Variants in FAM53A observed in about 807,000 individuals in gnomAD.
FAM53A encodes protein FAM53A.
FAM53A carries 28 observed loss-of-function variants against 26.6 expected under a neutral mutation model. The observed-to-expected ratio is 1.05, with a 90% CI of 0.78 to 1.45. FAM53A has a LOEUF of 1.45. FAM53A is among the 40% of genes most tolerant of loss of function. The pLI is 0.00. For missense variants in FAM53A, 650 were observed against 575.8 expected (o/e 1.13, Z -1.32); for synonymous variants, 290 against 253.1 (o/e 1.15, Z -1.38).
intron 4 of FAM53A, chr4:1,645,046 C>G (rs960085234): frequency 6.6e-6 from 1 of 152,486 alleles, no homozygotes; most frequent in African/African-American, 2.4e-5. Flanking sequence ...ACAGCCAAGG[C>G]GGCCCTGGCC....
At chr4:1,577,717 T>A in the FAM53A span, among the ~76,000 whole-genome samples, 1 of 152,314 alleles carries the variant, frequency 6.6e-6, no homozygotes, top group South Asian at 2.1e-4. Flanking sequence ...GCGGCGCTCT[T>A]GTTAATTGGC....
chr4:1,600,073 G>A, the FAM53A span, among the ~76,000 whole-genome samples: 1 of 152,172 alleles, frequency 6.6e-6, no homozygotes, highest in Non-Finnish European at 1.5e-5. Context: ...CTTCCCTAAT[G>A]CAGGGACCAC....
At chr4:1,577,064 G>A in the FAM53A span, among the ~76,000 whole-genome samples, 1 of 148,808 alleles carries the variant, frequency 6.7e-6, no homozygotes, top group Non-Finnish European at 1.5e-5. Flanking sequence ...TGAGGCAACT[G>A]AGCGGGTACG....
chr4:1,637,030 C>T (rs1419623045), downstream of FAM53A, among the ~76,000 whole-genome samples: 1 of 152,226 alleles, frequency 6.6e-6, no homozygotes, highest in Non-Finnish European at 1.5e-5. Context: ...GCTCCCGCTG[C>T]ACCAGAGCAC....
intron 4 of FAM53A, among the ~76,000 whole-genome samples, chr4:1,647,511 G>A (rs1051461058): frequency 6.6e-6 from 1 of 152,148 alleles, no homozygotes; most frequent in Non-Finnish European, 1.5e-5. Flanking sequence ...GGGTGGCGGG[G>A]GGTTGAGGAT....
rs140192270 is a variant in FAM53A, at chr4:1,666,740, G to A, written c.75+1927C>T. ...AATGGGGCCAGGCGCAGTGGCTCACGCCTGTAATCCCAACACTCTGCAAGG... is the reference window on the plus strand; with the variant it reads ...AATGGGGCCAGGCGCAGTGGCTCACACCTGTAATCCCAACACTCTGCAAGG... On this transcript the variant is annotated intron_variant, in intron 2 of 4. Coordinates refer to ENST00000308132, the MANE Select transcript of FAM53A (RefSeq NM_001174070.3). 6.9e-3 allele frequency among the ~76,000 whole-genome samples: 1,058 copies of A among 152,370 alleles called. 12 individuals are homozygous for A. Among genetic ancestry groups the A allele is most frequent in the African/African-American group, 0.023 (969 of 41,578 alleles).
chr4:1,644,224 G>T, intron 4 of FAM53A: 3 of 1,536,012 alleles, frequency 2.0e-6, no homozygotes, highest in Non-Finnish European at 2.6e-6. Flanking sequence ...TTCAAACCAC[G>T]GCGTTTTGTT....
At chr4:1,580,434 G>A in the FAM53A span, among the ~76,000 whole-genome samples, 4 of 152,188 alleles carry the variant, frequency 2.6e-5, no homozygotes, top group African/African-American at 9.7e-5. Flanking sequence ...GAGATCTAAG[G>A]CTGGGGCAGA....
At chr4:1,645,209 G>A (rs56172344) in intron 4 of FAM53A, among the ~76,000 whole-genome samples, 5 of 139,956 alleles carry the variant, frequency 3.6e-5, no homozygotes, top group South Asian at 4.5e-4. Context: ...GGCACAGGCC[G>A]GCCAAGCCAC....
intron 1 of FAM53A, 81 bp downstream of exon 1, chr4:1,684,152 G>A (rs994010444): frequency 1.3e-5 from 2 of 151,410 alleles, no homozygotes; most frequent in African/African-American, 4.8e-5. Context: ...CGCGGGCAAA[G>A]CTCGGAGCCG....
At position 1,668,921 on chromosome 4, in the gene FAM53A, G is replaced by A. The variant is rs1714438547; in HGVS notation, c.-164-16C>T. 3.5e-6 allele frequency: 2 copies of A among 565,894 alleles called. No homozygotes were observed. The highest frequency in any genetic ancestry group is 5.0e-5 in the South Asian group (2 of 39,892). The allele number at this position is 565,894 out of a possible 1,614,324, so 35.1% of individuals were successfully genotyped here. A position where few individuals can be genotyped will look rare whatever the true frequency, so the allele number is the denominator to read the frequency against. On this transcript the variant is annotated splice_polypyrimidine_tract_variant and intron_variant, in intron 1 of 4. Transcript: ENST00000308132. ...GGATTTGTGCCTGTTTCTCAGAAGA[G>A]AGAAATCATCATGTGATTATACGCA...
Position 1,662,089 on chromosome 4 carries a change from G to T in FAM53A, c.76-4621C>A, listed in dbSNP as rs532162409. ...CACACCTGTAATCCCTGCATTTTGG[G>T]AGGCTGAGGCGGGAGGACCCATTGA... is the stretch of plus-strand genomic sequence containing the variant. On this transcript the variant is annotated intron_variant, in intron 2 of 4. Coordinates refer to ENST00000308132, the MANE Select transcript of FAM53A (RefSeq NM_001174070.3). 5.9e-5 allele frequency among the ~76,000 whole-genome samples: 9 copies of T among 152,220 alleles called. No individual in the cohort carries two copies. The East Asian group carries it at 1.7e-3, about 29-fold the overall frequency.
At chr4:1,614,247 G>A (rs947385684), downstream of FAM53A, among the ~76,000 whole-genome samples, 3 of 152,126 alleles carry the variant, frequency 2.0e-5, no homozygotes. Flanking sequence ...GCAGACCCTG[G>A]GGCTCCACGG....
At chr4:1,588,289 A>G in the FAM53A span, among the ~76,000 whole-genome samples, 9 of 152,300 alleles carry the variant, frequency 5.9e-5, no homozygotes, top group South Asian at 1.9e-3. Context: ...TTGTAAGATA[A>G]TTGTGGTGGT....
At chr4:1,652,887 A>G (rs1042133673) in intron 4 of FAM53A, among the ~76,000 whole-genome samples, 52 of 144,302 alleles carry the variant, frequency 3.6e-4, no homozygotes, top group African/African-American at 1.3e-3. Context: ...CACCACACAT[A>G]CCACAGACAC....
intron 4 of FAM53A, chr4:1,644,226 C>T (rs755609283): frequency 5.9e-6 from 9 of 1,535,884 alleles, no homozygotes; most frequent in South Asian, 4.8e-5. Context: ...CAAACCACGG[C>T]GTTTTGTTTT....
At chr4:1,581,730 G>T in the FAM53A span, among the ~76,000 whole-genome samples, 1 of 152,132 alleles carries the variant, frequency 6.6e-6, no homozygotes, top group African/African-American at 2.4e-5. Flanking sequence ...AAGTAACTGG[G>T]ATTACAGGCA....
In FAM53A at chr4:1,655,332, C is replaced by T. The variant is rs1204258326; in HGVS notation, c.528G>A (p.Ser176=). ...GCGTGGCGGGCGAGGTGGGACCGGTCGACCACACAGCACTCCTCGGCAGGA... is the reference window on the plus strand; with the variant it reads ...GCGTGGCGGGCGAGGTGGGACCGGTTGACCACACAGCACTCCTCGGCAGGA... ...GAVLPRSAVW[S]TGPTSPATPR... Residue 176 remains serine (S), a synonymous_variant, in exon 4 of 5, where the codon TCG becomes TCA. Transcript: ENST00000308132. The T allele has an allele frequency of 5.6e-6, 8 of 1,423,268 alleles. No individual in the cohort carries two copies. Among genetic ancestry groups the T allele is most frequent in the South Asian group, 3.0e-5 (2 of 65,908 alleles). The allele number at this position is 1,423,268 out of a possible 1,614,324, so 88.2% of individuals were successfully genotyped here.
chr4:1,674,777 G>C (rs921587967), intron 1 of FAM53A, among the ~76,000 whole-genome samples: 1 of 152,158 alleles, frequency 6.6e-6, no homozygotes, highest in East Asian at 1.9e-4. Flanking sequence ...TGGGGGATGC[G>C]ATTCCACACA....
Sources: gnomAD v4.1 joint callset for allele counts (sites outside exome capture counted in the v4.1 genomes callset) on GRCh38, gnomAD v4.1.1 for gene constraint, MANE v1.5 for transcripts, NCBI Gene and HGNC (gene_info 2026-07-23, HGNC 2026-07-21) for gene names.